The following TTC23L variants were observed in gnomAD, a reference collection of about 807,000 sequenced individuals.
The protein encoded by TTC23L is tetratricopeptide repeat domain 23 like.
TTC23L carries 42 observed loss-of-function variants against 48.1 expected under a neutral mutation model. That is an observed-to-expected ratio of 0.87 (90% confidence interval 0.68 to 1.13). TTC23L has a LOEUF of 1.13. Ranked by LOEUF, TTC23L falls within the 50% of genes most tolerant of loss-of-function variation. The pLI is 0.00. For missense variants in TTC23L, 391 were observed against 421.0 expected (o/e 0.93, Z 0.62); for synonymous variants, 159 against 157.2 (o/e 1.01, Z -0.09).
At chr5:34,858,479 G>T (rs1035419403) in intron 4 of TTC23L, among the ~76,000 whole-genome samples, 8 of 152,060 alleles carry the variant, frequency 5.3e-5, no homozygotes, top group Admixed American at 4.6e-4. Context: ...TATAAAAAGA[G>T]CTCTTTCATA....
chr5:34,909,217 C>G, the TTC23L span: 1 of 1,406,176 alleles, frequency 7.1e-7, no homozygotes, highest in South Asian at 1.2e-5. Context: ...TATTTAACCT[C>G]CTCTTTATCA....
chr5:34,860,645 C>G (rs534359356), intron 4 of TTC23L: 23 of 150,346 alleles, frequency 1.5e-4, no homozygotes, highest in African/African-American at 5.2e-4. Flanking sequence ...CTCCAGAGTC[C>G]ATTTTTCTCT....
chr5:34,884,477 G>A (rs1452974756), intron 9 of TTC23L, among the ~76,000 whole-genome samples: 1 of 151,824 alleles, frequency 6.6e-6, no homozygotes, highest in African/African-American at 2.4e-5. Flanking sequence ...AATTATTTCT[G>A]TTTGCAGAAT....
At chr5:34,899,785 G>A (rs1291366880), downstream of TTC23L, among the ~76,000 whole-genome samples, 1 of 152,116 alleles carries the variant, frequency 6.6e-6, no homozygotes, top group Non-Finnish European at 1.5e-5. Flanking sequence ...CTAGCTACTC[G>A]GGAGGCTGAG....
the TTC23L span, chr5:34,921,438 AAATC>A: frequency 9.6e-4 from 147 of 152,374 alleles, no homozygotes; most frequent in African/African-American, 3.4e-3. Flanking sequence ...AAAAAGTTAA[AAATC>A]AAAATAATCA....
At chr5:34,914,583 A>G in the TTC23L span, 2 of 933,020 alleles carry the variant, frequency 2.1e-6, no homozygotes, top group South Asian at 1.6e-5. Flanking sequence ...TATTATGACT[A>G]TTGACAAGTT....
intron 2 of TTC23L, among the ~76,000 whole-genome samples, chr5:34,841,680 C>G (rs3846629): frequency 0.35 from 53,270 of 151,994 alleles, 10,552 homozygotes; most frequent in South Asian, 0.5. Context: ...ACCATACCTG[C>G]CTAATTTTTA....
chr5:34,890,567 A>G (rs1358793321), intron 9 of TTC23L, among the ~76,000 whole-genome samples: 1 of 151,948 alleles, frequency 6.6e-6, no homozygotes. Context: ...ACAGATTCTG[A>G]CTTTGATGAA....
At chr5:34,895,333 G>T (rs1202632654) in intron 9 of TTC23L, among the ~76,000 whole-genome samples, 2 of 152,170 alleles carry the variant, frequency 1.3e-5, no homozygotes, top group Non-Finnish European at 2.9e-5. Flanking sequence ...ATAATGAAGA[G>T]TAAATGAGAT....
the TTC23L span, chr5:34,916,050 C>G: frequency 3.4e-6 from 3 of 890,504 alleles, no homozygotes; most frequent in Non-Finnish European, 3.2e-6. Flanking sequence ...AGACTGGGCA[C>G]GGAGTTTGCA....
At chr5:34,845,490 A>G (rs1759032968) in exon 3 of TTC23L, 3 of 1,612,642 alleles carry the variant, frequency 1.9e-6, no homozygotes, top group Admixed American at 3.4e-5. Flanking sequence ...CCTACAGGTC[A>G]CAGCAAACCG....
At chr5:34,853,300 G>A (rs1449969288) in intron 4 of TTC23L, among the ~76,000 whole-genome samples, 1 of 152,146 alleles carries the variant, frequency 6.6e-6, no homozygotes, top group Non-Finnish European at 1.5e-5. Flanking sequence ...GGAGGCTGAG[G>A]TGAGTGGATC....
At chr5:34,887,861 A>G (rs1762634343) in intron 9 of TTC23L, among the ~76,000 whole-genome samples, 1 of 152,220 alleles carries the variant, frequency 6.6e-6, no homozygotes, top group South Asian at 2.1e-4. Context: ...AAAAGACCAT[A>G]GCATATACAT....
chr5:34,919,963 C>A, the TTC23L span: 1 of 581,058 alleles, frequency 1.7e-6, no homozygotes. Flanking sequence ...CATTCAGTGA[C>A]TTTAAAAATT....
At chr5:34,880,402 T>C in intron 9 of TTC23L, 94 bp downstream of exon 9, 1 of 1,316,778 alleles carries the variant, frequency 7.6e-7, no homozygotes, top group Non-Finnish European at 1.0e-6. Flanking sequence ...GGAGATCAGA[T>C]AGGTCCCAGA....
At chr5:34,912,320 A>G in the TTC23L span, among the ~76,000 whole-genome samples, 17 of 152,200 alleles carry the variant, frequency 1.1e-4, no homozygotes, top group African/African-American at 3.9e-4. Context: ...AATTGAGAGA[A>G]AAAGAGGGTT....
intron 4 of TTC23L, among the ~76,000 whole-genome samples, chr5:34,852,300 T>C (rs1283009852): frequency 6.6e-6 from 1 of 152,156 alleles, no homozygotes; most frequent in African/African-American, 2.4e-5. Context: ...TTACACAGAA[T>C]ATTGTAGCTT....
At chr5:34,869,821 A>G (rs1761323047) in intron 8 of TTC23L, 1 of 152,202 alleles carries the variant, frequency 6.6e-6, no homozygotes, top group South Asian at 2.1e-4. Context: ...CCATGTCATT[A>G]AATAAACATT....
chr5:34,866,378 T>C (rs531843973), intron 6 of TTC23L, among the ~76,000 whole-genome samples: 1 of 152,338 alleles, frequency 6.6e-6, no homozygotes, highest in African/African-American at 2.4e-5. Flanking sequence ...AACATGACTT[T>C]TAATGTCTCT....
Sources: gnomAD v4.1 joint callset for allele counts (sites outside exome capture counted in the v4.1 genomes callset) on GRCh38, gnomAD v4.1.1 for gene constraint, MANE v1.5 for transcripts, NCBI Gene and HGNC (gene_info 2026-07-23, HGNC 2026-07-21) for gene names.